Variants in GLRB observed in about 807,000 individuals in gnomAD.
GLRB encodes glycine receptor subunit beta.
Under a neutral mutation model 54.2 loss-of-function variants are expected in GLRB, and 33 were observed. The observed-to-expected ratio is 0.61, with a 90% CI of 0.46 to 0.81. GLRB has a LOEUF of 0.81. Among genes scored for constraint, GLRB ranks in the 40% least tolerant of loss-of-function variants. The pLI is 0.00. For synonymous variants in GLRB, 209 were observed against 208.2 expected (o/e 1.00, Z -0.03); for missense variants, 572 against 584.6 (o/e 0.98, Z 0.22).
intron 2 of GLRB, among the ~76,000 whole-genome samples, chr4:157,098,170 T>A (rs1426232417): frequency 6.6e-6 from 1 of 152,222 alleles, no homozygotes; most frequent in East Asian, 1.9e-4. Context: ...TTATACTCTT[T>A]TGTATCTAGA....
chr4:157,144,956 A>C (rs1289777050), intron 8 of GLRB, among the ~76,000 whole-genome samples: 1 of 152,204 alleles, frequency 6.6e-6, no homozygotes, highest in Non-Finnish European at 1.5e-5. Context: ...AAATGTGAGA[A>C]ATTTCATCAT....
chr4:157,105,748 CT>C (rs1735199978), intron 2 of GLRB, among the ~76,000 whole-genome samples: 1 of 151,944 alleles, frequency 6.6e-6, no homozygotes, highest in South Asian at 2.1e-4. Context: ...TGGATTTACC[CT>C]TTTATCATTA....
At chr4:157,160,126 T>G (rs980209215) in intron 9 of GLRB, among the ~76,000 whole-genome samples, 4 of 152,120 alleles carry the variant, frequency 2.6e-5, no homozygotes, top group African/African-American at 9.7e-5. Flanking sequence ...TGTGTAGAGG[T>G]GTTTATAGTA....
chr4:157,101,813 T>TTGG (rs1579198755), intron 2 of GLRB, among the ~76,000 whole-genome samples: 1 of 104,430 alleles, frequency 9.6e-6, no homozygotes, highest in East Asian at 3.0e-4. Context: ...TTTTTTTTTT[T>TTGG]GGTGGGGGGG....
At chr4:157,093,754 CAAAAAAAAAAAAAAA>C (rs70958808) in intron 2 of GLRB, among the ~76,000 whole-genome samples, 1 of 60,842 alleles carries the variant, frequency 1.6e-5, no homozygotes, top group Non-Finnish European at 3.1e-5. Context: ...GACTCCATCT[CAAAAAAAAAAAAAAA>C]AAAAAAAAAT....
In GLRB at chr4:157,136,602, T is replaced by A. The variant is rs1447431121; in HGVS notation, c.431T>A (p.Phe144Tyr). Reference protein sequence around the residue: ...MYKCLWKPDLFFANEKSANFH... With the variant: ...MYKCLWKPDLYFANEKSANFH... Reference sequence around the variant, plus strand: ...AAGTGTTTATGGAAACCTGATTTATTTTTTGCAAATGAAAAAAGTGCCAAT... The same window carrying A: ...AAGTGTTTATGGAAACCTGATTTATATTTTGCAAATGAAAAAAGTGCCAAT... The change falls in exon 5 of 10, where the codon TTT becomes TAT. Residue 144 changes from phenylalanine to tyrosine, a missense_variant. Physicochemically the swap from Phe to Tyr is conservative, Grantham distance 22. Transcript: ENST00000264428. The A allele has an allele frequency of 1.9e-6, 3 of 1,613,314 alleles. No individual in the cohort carries two copies. The highest frequency in any genetic ancestry group is 2.2e-5 in the South Asian group (2 of 91,048).
chr4:157,146,525 A>G (rs1736817819), intron 8 of GLRB, among the ~76,000 whole-genome samples: 1 of 150,814 alleles, frequency 6.6e-6, no homozygotes, highest in Non-Finnish European at 1.5e-5. Context: ...GCTGATAAAT[A>G]TTTGATGATG....
intron 2 of GLRB, among the ~76,000 whole-genome samples, chr4:157,106,585 C>G (rs1560945597): frequency 6.6e-6 from 1 of 151,904 alleles, no homozygotes; most frequent in Non-Finnish European, 1.5e-5. Context: ...TTCTTTCTCT[C>G]TCTCTCTTTT....
At chr4:157,157,475 T>A (rs1005240370) in intron 9 of GLRB, among the ~76,000 whole-genome samples, 3 of 152,148 alleles carry the variant, frequency 2.0e-5, no homozygotes, top group African/African-American at 4.8e-5. Context: ...GATCTCCTAA[T>A]GCTATCCCTC....
chr4:157,136,908 T>A (rs768659666), intron 6 of GLRB, 22 bp downstream of exon 6: 1 of 1,410,164 alleles, frequency 7.1e-7, no homozygotes, highest in Non-Finnish European at 1.0e-6. Flanking sequence ...AGAACATAAT[T>A]GATTATGAAA....
At chr4:157,091,714 G>A (rs759661221) in intron 2 of GLRB, among the ~76,000 whole-genome samples, 1 of 152,146 alleles carries the variant, frequency 6.6e-6, no homozygotes, top group Non-Finnish European at 1.5e-5. Context: ...TTACTTCGTT[G>A]CTTGTGACCC....
At chr4:157,130,153 G>A (rs1736160611) in intron 4 of GLRB, among the ~76,000 whole-genome samples, 1 of 151,614 alleles carries the variant, frequency 6.6e-6, no homozygotes, top group Non-Finnish European at 1.5e-5. Context: ...TTATATGGAA[G>A]GGAACTTTGT....
At chr4:157,168,059 C>T (rs1434492599) in intron 9 of GLRB, among the ~76,000 whole-genome samples, 3 of 152,054 alleles carry the variant, frequency 2.0e-5, no homozygotes, top group African/African-American at 7.2e-5. Flanking sequence ...CCGGGAGTCA[C>T]ATTTCAACAT....
At chr4:157,103,854 T>C (rs1234466564) in intron 2 of GLRB, among the ~76,000 whole-genome samples, 5 of 152,144 alleles carry the variant, frequency 3.3e-5, no homozygotes, top group Non-Finnish European at 7.4e-5. Flanking sequence ...TCATTATTGG[T>C]ATATAGAAAA....
intron 8 of GLRB, among the ~76,000 whole-genome samples, chr4:157,145,197 C>G (rs1174853039): frequency 3.3e-5 from 5 of 152,188 alleles, no homozygotes; most frequent in Admixed American, 3.3e-4. Flanking sequence ...TTTTTCATCT[C>G]CATTCATTGC....
intron 9 of GLRB, among the ~76,000 whole-genome samples, chr4:157,154,153 G>A (rs999925213): frequency 1.3e-5 from 2 of 152,082 alleles, no homozygotes; most frequent in African/African-American, 4.8e-5. Flanking sequence ...CATTAATCCA[G>A]CACTATCTTG....
chr4:157,092,111 T>C (rs1734641747), intron 2 of GLRB, among the ~76,000 whole-genome samples: 1 of 152,246 alleles, frequency 6.6e-6, no homozygotes, highest in Non-Finnish European at 1.5e-5. Flanking sequence ...TAATTCTTTT[T>C]GGGATAAGTG....
At chr4:157,137,379 A>G (rs982910753) in intron 6 of GLRB, among the ~76,000 whole-genome samples, 7 of 152,046 alleles carry the variant, frequency 4.6e-5, no homozygotes, top group African/African-American at 1.7e-4. Flanking sequence ...ATTTATTAAA[A>G]GGTACCCTAG....
intron 2 of GLRB, among the ~76,000 whole-genome samples, chr4:157,103,770 G>T (rs149150174): frequency 6.6e-6 from 1 of 151,882 alleles, no homozygotes; most frequent in Non-Finnish European, 1.5e-5. Flanking sequence ...CTTAGTTAAG[G>T]TTATTCCTAA....
Sources: gnomAD v4.1 joint callset for allele counts (sites outside exome capture counted in the v4.1 genomes callset) on GRCh38, gnomAD v4.1.1 for gene constraint, MANE v1.5 for transcripts, NCBI Gene and HGNC (gene_info 2026-07-23, HGNC 2026-07-21) for gene names.